The following SCN1A variants were observed in gnomAD, a reference collection of about 807,000 sequenced individuals.
The protein encoded by SCN1A is sodium voltage-gated channel alpha subunit 1, also known as sodium channel protein type 1 subunit alpha.
SCN1A carries 13 observed loss-of-function variants against 193.7 expected under a neutral mutation model. The ratio of observed to expected loss-of-function variants is 0.07; its 90% CI spans 0.04 to 0.11. The LOEUF is 0.11. SCN1A is among the 10% of genes least tolerant of loss of function. SCN1A has a pLI of 1.00. For missense variants in SCN1A, 1,432 were observed against 2,451.1 expected, an observed-to-expected ratio of 0.58 and a Z score of 8.78; for synonymous variants, 781 against 843.6, an observed-to-expected ratio of 0.93 and a Z score of 1.29.
intron 2 of SCN1A, among the ~76,000 whole-genome samples, chr2:166,118,304 T>TC (rs1690129058): frequency 2.0e-5 from 2 of 102,004 alleles, no homozygotes; most frequent in African/African-American, 9.2e-5. Flanking sequence ...TTTAGTTTCT[T>TC]TTTTTTTTTT....
intron 27 of SCN1A, among the ~76,000 whole-genome samples, chr2:165,994,789 C>T (rs184913587): frequency 4.4e-4 from 66 of 151,594 alleles, no homozygotes; most frequent in Middle Eastern, 3.4e-3. Flanking sequence ...CAAGACTTTC[C>T]AATGATCAGC....
chr2:166,086,078 CCTT>C (rs1305942733), intron 2 of SCN1A, among the ~76,000 whole-genome samples: 1 of 152,140 alleles, frequency 6.6e-6, no homozygotes, highest in Non-Finnish European at 1.5e-5. Context: ...ACTGAATTGA[CCTT>C]CTCCTGGCCA....
At chr2:166,006,480 A>G (rs1691674142) in intron 23 of SCN1A, among the ~76,000 whole-genome samples, 1 of 151,330 alleles carries the variant, frequency 6.6e-6, no homozygotes, top group South Asian at 2.1e-4. Flanking sequence ...TACTTATTCT[A>G]AGAAGTGAGT....
chr2:166,035,523 C>T (rs1049814967), intron 19 of SCN1A, among the ~76,000 whole-genome samples: 4 of 152,186 alleles, frequency 2.6e-5, no homozygotes, highest in African/African-American at 9.6e-5. Context: ...AAATGTTCCT[C>T]AATTTACAAT....
At chr2:166,124,529 A>C (rs1254333298) in intron 2 of SCN1A, among the ~76,000 whole-genome samples, 1 of 152,184 alleles carries the variant, frequency 6.6e-6, no homozygotes, top group Non-Finnish European at 1.5e-5. Flanking sequence ...CCTGGGTGAC[A>C]GAGTGAGACT....
At chr2:166,086,192 G>A (rs1686095162) in intron 2 of SCN1A, among the ~76,000 whole-genome samples, 1 of 151,996 alleles carries the variant, frequency 6.6e-6, no homozygotes, top group African/African-American at 2.4e-5. Flanking sequence ...ACCACTATGA[G>A]GCTTTCTTCC....
At chr2:166,132,819 G>A (rs1691712998), upstream of SCN1A, among the ~76,000 whole-genome samples, 1 of 152,090 alleles carries the variant, frequency 6.6e-6, no homozygotes, top group African/African-American at 2.4e-5. Context: ...AAAAATATCT[G>A]AGGGCTCCTC....
chr2:166,037,728 T>G, intron 18 of SCN1A, 48 bp downstream of exon 18: 1 of 1,541,404 alleles, frequency 6.5e-7, no homozygotes, highest in Non-Finnish European at 9.0e-7. Flanking sequence ...TGTATACATG[T>G]GCCATGCTGG....
At chr2:166,076,220 G>C (rs1332219081) in intron 3 of SCN1A, among the ~76,000 whole-genome samples, 1 of 151,978 alleles carries the variant, frequency 6.6e-6, no homozygotes, top group Non-Finnish European at 1.5e-5. Flanking sequence ...CATCCAGAGA[G>C]ATGGGCAGTA....
intron 2 of SCN1A, among the ~76,000 whole-genome samples, chr2:166,106,433 A>G (rs779477453): frequency 2.0e-5 from 3 of 152,024 alleles, no homozygotes; most frequent in Non-Finnish European, 4.4e-5. Context: ...CTCTTTCTCT[A>G]CAGCAGAATA....
rs182580384 is a variant in SCN1A at position 166,096,271 on chromosome 2, G to A, written c.-141-18470C>T. On this transcript the variant is annotated intron_variant, in intron 2 of 28. Transcript: ENST00000674923. ...TCTGATATGAAAGTTGGAAATCAGG[G>A]ATGAAAAATCACTTTTTTTTTTGGT... 8.7e-4 allele frequency among the ~76,000 whole-genome samples: 132 copies of A among 152,214 alleles called. 2 individuals carry two copies. The highest frequency in any genetic ancestry group is 3.0e-3 in the African/African-American group (126 of 41,528).
intron 2 of SCN1A, among the ~76,000 whole-genome samples, chr2:166,091,293 G>A (rs982245416): frequency 6.6e-6 from 1 of 151,930 alleles, no homozygotes; most frequent in East Asian, 1.9e-4. Context: ...CATTAATTCT[G>A]TTAAGCACTG....
Position 166,013,784 on chromosome 2 carries a change from G to T in SCN1A, c.3665C>A (p.Thr1222Asn). 6.2e-7 allele frequency: 1 copy of T among 1,611,864 alleles called. No homozygotes were observed. Among genetic ancestry groups the T allele is most frequent in the Non-Finnish European group, 8.5e-7 (1 of 1,178,460 alleles). The change falls in exon 21 of 29, where the codon ACC (threonine) becomes AAC (asparagine). Residue 1222 changes from threonine to asparagine, a missense_variant. Coordinates refer to ENST00000674923, the MANE Select transcript of SCN1A (RefSeq NM_001165963.4). Reference sequence around the variant, plus strand: ...AAGGAGAATCATGAAAACAATGAAGGTCTCAAACCAGTTATGTTCAACTAT... The same window carrying T: ...AAGGAGAATCATGAAAACAATGAAGTTCTCAAACCAGTTATGTTCAACTAT... The part of the protein sequence containing the change: ...FRIVEHNWFE[T>N]FIVFMILLSS...
chr2:166,041,176 G>A, intron 16 of SCN1A, 55 bp downstream of exon 16: 2 of 1,297,392 alleles, frequency 1.5e-6, no homozygotes, highest in Non-Finnish European at 2.2e-6. Flanking sequence ...AATGTAAACA[G>A]TTTTTCAAGC....
In SCN1A at chr2:165,992,880, TGATCTTGGTACTTACTTAAATTCCAC is replaced by T. The variant is rs1225777940; in HGVS notation, c.4853-484_4853-459del. On this transcript the variant is annotated intron_variant, in intron 28 of 28. Transcript: ENST00000674923. This position sits in a 1 kb window ranked among gnomAD's most constrained non-coding sequence, Gnocchi z 6.5. ...TTTTGATGCTACTTTCATCTCCCCA[TGATCTTGGTACTTACTTAAATTCCAC>T]TCTAATATTTTTATATACTCATTTA... is the stretch of plus-strand genomic sequence containing the variant. The T allele has an allele frequency of 6.5e-6, 1 of 153,364 alleles. No homozygotes were observed. The highest frequency in any genetic ancestry group is 2.4e-5 in the African/African-American group (1 of 41,432). The allele number at this position is 153,364 out of a possible 1,614,324, so 9.5% of individuals were successfully genotyped here.
chr2:166,085,636 G>GA (rs1686030608), intron 2 of SCN1A, among the ~76,000 whole-genome samples: 1 of 152,138 alleles, frequency 6.6e-6, no homozygotes, highest in South Asian at 2.1e-4. Context: ...GGAACGGGGA[G>GA]AGGAGAGTGT....
Position 165,992,485 on chromosome 2 carries a change from T to G in SCN1A, c.4853-63A>C. 6.3e-7 allele frequency: 1 copy of G among 1,592,632 alleles called. No individual in the cohort carries two copies. The highest frequency in any genetic ancestry group is 8.6e-7 in the Non-Finnish European group (1 of 1,162,372). On this transcript the variant is annotated intron_variant, in intron 28 of 28. Transcript: ENST00000674923. This position sits in a 1 kb window ranked among gnomAD's most constrained non-coding sequence, Gnocchi z 6.5. ...ATCATGCGTTAAAATAAACATATGT[T>G]TCTTCTAAAGCTCCAAGGTAAGGTT... is the stretch of plus-strand genomic sequence containing the variant.
upstream of SCN1A, among the ~76,000 whole-genome samples, chr2:166,131,283 T>C (rs1488680913): frequency 6.6e-6 from 1 of 152,078 alleles, no homozygotes; most frequent in Non-Finnish European, 1.5e-5. Flanking sequence ...ATGAACCTGC[T>C]AAACAGGCTG....
At chr2:166,097,660 C>A (rs188035371) in intron 2 of SCN1A, among the ~76,000 whole-genome samples, 1 of 152,296 alleles carries the variant, frequency 6.6e-6, no homozygotes, top group South Asian at 2.1e-4. Context: ...TAGCTCACTG[C>A]AGCCTTGAAC....
Sources: gnomAD v4.1 joint callset for allele counts (sites outside exome capture counted in the v4.1 genomes callset) on GRCh38, gnomAD v4.1.1 for gene constraint, Gnocchi (gnomAD v3.1) non-coding constraint, MANE v1.5 for transcripts, NCBI Gene and HGNC (gene_info 2026-07-23, HGNC 2026-07-21) for gene names.